The following ROBO1 variants were observed in gnomAD, a reference collection of about 807,000 sequenced individuals.
The protein encoded by ROBO1 is roundabout guidance receptor 1, also known as roundabout homolog 1.
A neutral mutation model predicts 195.9 loss-of-function variants in ROBO1; 149 were observed. The observed-to-expected ratio is 0.76, with a 90% confidence interval of 0.67 to 0.87. The LOEUF (loss-of-function observed/expected upper bound fraction) is 0.87, where lower values mean the gene tolerates loss of function less well. Among genes scored for constraint, ROBO1 ranks in the 40% least tolerant of loss-of-function variants. ROBO1 has a pLI of 0.00. For missense variants in ROBO1, 1,933 were observed against 2,068.3 expected, an observed-to-expected ratio of 0.93 and a Z score of 1.27; for synonymous variants, 816 against 733.2, an observed-to-expected ratio of 1.11 and a Z score of -1.82.
intron 2 of ROBO1, among the ~76,000 whole-genome samples, chr3:79,373,385 G>A (rs897929083): frequency 1.3e-5 from 2 of 152,016 alleles, no homozygotes; most frequent in African/African-American, 4.8e-5. Flanking sequence ...GTATGCAGCA[G>A]ATGAACTAAT....
In ROBO1 at chr3:79,070,875, C is replaced by T. The variant is rs578052269; in HGVS notation, c.172+54581G>A. Among the ~76,000 whole-genome samples, 45 of 151,744 alleles carry T rather than the reference C, an allele frequency of 3.0e-4. No homozygotes were observed. The Middle Eastern group carries it at 0.014, about 46-fold the overall frequency. ...AATTGCTCTTTTATGTATTTTTTGA[C>T]TCTATAGCTAATTCTTTTTATACTG... On this transcript the variant is annotated intron_variant, in intron 3 of 30. Coordinates refer to ENST00000464233, the MANE Select transcript of ROBO1 (RefSeq NM_002941.4).
chr3:78,792,815 T>C (rs2084061764), intron 4 of ROBO1, among the ~76,000 whole-genome samples: 1 of 152,086 alleles, frequency 6.6e-6, no homozygotes, highest in Admixed American at 6.6e-5. Flanking sequence ...GGAAACAGTC[T>C]TTACCTAGAC....
intron 2 of ROBO1, among the ~76,000 whole-genome samples, chr3:79,232,904 G>C (rs569619632): frequency 2.0e-5 from 3 of 152,150 alleles, no homozygotes; most frequent in African/African-American, 7.2e-5. Context: ...ACACAAACAG[G>C]GATAGACTTC....
intron 2 of ROBO1, among the ~76,000 whole-genome samples, chr3:79,389,272 T>C (rs2106690648): frequency 6.6e-6 from 1 of 152,114 alleles, no homozygotes; most frequent in East Asian, 1.9e-4. Flanking sequence ...TTATGTAATA[T>C]GAGCAAAGAA....
chr3:79,488,408 T>C (rs1316058549), intron 2 of ROBO1, among the ~76,000 whole-genome samples: 1 of 152,134 alleles, frequency 6.6e-6, no homozygotes, highest in Non-Finnish European at 1.5e-5. Flanking sequence ...AGGCTAACTT[T>C]GGACCAAATT....
chr3:79,504,609 T>G (rs1310620807), intron 2 of ROBO1, among the ~76,000 whole-genome samples: 3 of 152,202 alleles, frequency 2.0e-5, no homozygotes, highest in Non-Finnish European at 2.9e-5. Flanking sequence ...GCTCATTATA[T>G]TTCAGTATTG....
At chr3:79,556,417 C>A (rs553274431) in intron 2 of ROBO1, among the ~76,000 whole-genome samples, 1 of 151,976 alleles carries the variant, frequency 6.6e-6, no homozygotes, top group Non-Finnish European at 1.5e-5. Context: ...GAAGTATGTA[C>A]TGGTTTGCTA....
At chr3:79,118,124 G>C (rs2080042540) in intron 3 of ROBO1, among the ~76,000 whole-genome samples, 1 of 152,152 alleles carries the variant, frequency 6.6e-6, no homozygotes, top group East Asian at 1.9e-4. Context: ...TTTTGAGACA[G>C]GTACGAGTCT....
At chr3:79,104,544 T>C (rs2079740435) in intron 3 of ROBO1, among the ~76,000 whole-genome samples, 1 of 151,698 alleles carries the variant, frequency 6.6e-6, no homozygotes, top group African/African-American at 2.4e-5. Context: ...TTTTTATTAT[T>C]AGTTCTTATT....
chr3:79,409,871 C>T (rs1313183911), intron 2 of ROBO1, among the ~76,000 whole-genome samples: 2 of 152,138 alleles, frequency 1.3e-5, no homozygotes, highest in African/African-American at 2.4e-5. Context: ...TGGTTTATCA[C>T]AATTGCTGCA....
At chr3:79,290,896 C>T (rs1048362692) in intron 2 of ROBO1, among the ~76,000 whole-genome samples, 1 of 152,176 alleles carries the variant, frequency 6.6e-6, no homozygotes, top group Admixed American at 6.5e-5. Flanking sequence ...TCACTACCCA[C>T]ATTATCAGAA....
chr3:78,705,645 G>A (rs2081532385), intron 8 of ROBO1, among the ~76,000 whole-genome samples: 1 of 152,296 alleles, frequency 6.6e-6, no homozygotes. Flanking sequence ...GGGAGTGTCT[G>A]TGACGGTGTT....
At chr3:79,475,176 G>A (rs2107342649) in intron 2 of ROBO1, among the ~76,000 whole-genome samples, 1 of 151,642 alleles carries the variant, frequency 6.6e-6, no homozygotes, top group Middle Eastern at 3.4e-3. Flanking sequence ...TTCTCACTGA[G>A]TTACAATTGT....
At chr3:79,426,938 T>C (rs1349792341) in intron 2 of ROBO1, among the ~76,000 whole-genome samples, 1 of 152,196 alleles carries the variant, frequency 6.6e-6, no homozygotes, top group African/African-American at 2.4e-5. Flanking sequence ...ATCAGTCTTA[T>C]ATAATCCACA....
At chr3:78,711,357 TCCTTCCTTCCTTCCTTCCTTCCTTCCTTC>T (rs2081705297) in intron 8 of ROBO1, among the ~76,000 whole-genome samples, 6 of 37,372 alleles carry the variant, frequency 1.6e-4, no homozygotes, top group Admixed American at 2.9e-4. Flanking sequence ...CCTCCTTCCT[TCCTTCCTTCCTTCCTTCCTTCCTTCCTTC>T]CTTCCTTCCT....
At chr3:78,910,719 C>T (rs565138269) in intron 4 of ROBO1, among the ~76,000 whole-genome samples, 2 of 152,032 alleles carry the variant, frequency 1.3e-5, no homozygotes, top group South Asian at 2.1e-4. Context: ...CTCAAATGCT[C>T]GGCAAATATT....
intron 2 of ROBO1, among the ~76,000 whole-genome samples, chr3:79,530,269 TGGTG>T (rs1187995621): frequency 6.6e-6 from 1 of 152,172 alleles, no homozygotes; most frequent in East Asian, 1.9e-4. Context: ...ACTTTCTCCC[TGGTG>T]ATTGCATCAA....
chr3:79,626,018 C>T (rs1329266765), intron 1 of ROBO1, among the ~76,000 whole-genome samples: 1 of 152,044 alleles, frequency 6.6e-6, no homozygotes, highest in Non-Finnish European at 1.5e-5. Context: ...ATGATCAAGT[C>T]AGCTTCATCC....
At chr3:79,527,939 G>A (rs4314135) in intron 2 of ROBO1, 17,744 of 147,102 alleles carry the variant, frequency 0.12, no homozygotes, top group African/African-American at 0.24. Context: ...AAAAATAATC[G>A]GGCCCCTCTA....
Sources: allele counts gnomAD v4.1 joint callset (sites outside exome capture counted in the v4.1 genomes callset), GRCh38; gene constraint gnomAD v4.1.1; transcripts MANE v1.5; gene names NCBI Gene and HGNC (gene_info 2026-07-23, HGNC 2026-07-21).